Variants in HS3ST5 observed in about 807,000 individuals in gnomAD.
HS3ST5 encodes the protein heparan sulfate-glucosamine 3-sulfotransferase 5, also known as heparan sulfate glucosamine 3-O-sulfotransferase 5.
In HS3ST5, 10 loss-of-function variants were observed where a neutral mutation model predicts 25.4. The observed-to-expected ratio is 0.39, with a 90% CI of 0.24 to 0.67. The LOEUF (loss-of-function observed/expected upper bound fraction) is 0.67, where lower values mean the gene tolerates loss of function less well. HS3ST5 is among the 30% of genes least tolerant of loss of function. The probability of loss-of-function intolerance (pLI) is 0.44; values close to 1 mark genes in which losing one functional copy is unlikely to be tolerated. For missense variants in HS3ST5, 324 were observed against 420.7 expected, an observed-to-expected ratio of 0.77 and a Z score of 2.01; for synonymous variants, 170 against 162.4, an observed-to-expected ratio of 1.05 and a Z score of -0.36.
chr6:114,280,595 G>T (rs1562262452), intron 1 of HS3ST5, among the ~76,000 whole-genome samples: 1 of 151,992 alleles, frequency 6.6e-6, no homozygotes, highest in African/African-American at 2.4e-5. Flanking sequence ...ACTACATTTT[G>T]CTGCCTTACA....
rs767007396 is a variant in HS3ST5 at position 114,062,751 on chromosome 6, C to A, written c.95G>T (p.Gly32Val). ...GSLLYLVARV[G>V]SLDRLQPICP... ...TTTAAGCACCCACCTATCCAAGCTC[C>A]CAACTCTGGCGACTAGATACAGGAG... Residue 32 changes from glycine (G) to valine (V), a missense_variant, in exon 4 of 5, where the codon GGG becomes GTG. Gly to Val is a moderately radical substitution (Grantham distance 109, BLOSUM62 -3). Coordinates refer to ENST00000312719, the MANE Select transcript of HS3ST5 (RefSeq NM_153612.4). 40 of 1,613,282 alleles carry A rather than the reference C, an allele frequency of 2.5e-5. No homozygotes were observed. The highest frequency in any genetic ancestry group is 3.3e-5 in the Non-Finnish European group (39 of 1,179,392).
At chr6:114,296,699 G>T (rs1378829351) in intron 1 of HS3ST5, among the ~76,000 whole-genome samples, 1 of 152,152 alleles carries the variant, frequency 6.6e-6, no homozygotes, top group Admixed American at 6.5e-5. Context: ...ACAGCCAACA[G>T]CAGGAATTTG....
intron 2 of HS3ST5, among the ~76,000 whole-genome samples, chr6:114,187,158 C>T (rs182438009): frequency 6.6e-6 from 1 of 152,202 alleles, no homozygotes; most frequent in African/African-American, 2.4e-5. Context: ...AACATTCATT[C>T]TGCAGTCCAT....
chr6:114,248,614 T>A (rs1772497588), intron 1 of HS3ST5, among the ~76,000 whole-genome samples: 1 of 152,208 alleles, frequency 6.6e-6, no homozygotes, highest in African/African-American at 2.4e-5. Flanking sequence ...CGTTCATTCA[T>A]CAAATATTTA....
intron 2 of HS3ST5, among the ~76,000 whole-genome samples, chr6:114,208,703 T>C (rs751325285): frequency 1.3e-5 from 2 of 152,178 alleles, no homozygotes; most frequent in Non-Finnish European, 2.9e-5. Flanking sequence ...GAAAGAAACA[T>C]TCTTGTCTCC....
At chr6:114,171,577 G>A (rs1039104783) in intron 2 of HS3ST5, among the ~76,000 whole-genome samples, 1 of 152,070 alleles carries the variant, frequency 6.6e-6, no homozygotes, top group Non-Finnish European at 1.5e-5. Flanking sequence ...ATATGTGTTC[G>A]GCACTGAACT....
intron 3 of HS3ST5, among the ~76,000 whole-genome samples, chr6:114,092,218 C>T (rs1409886769): frequency 2.0e-5 from 3 of 152,318 alleles, no homozygotes; most frequent in Middle Eastern, 3.4e-3. Flanking sequence ...AGTGACATAA[C>T]CCATGCCTAC....
intron 3 of HS3ST5, among the ~76,000 whole-genome samples, chr6:114,075,837 C>T (rs1053387944): frequency 6.6e-6 from 1 of 152,196 alleles, no homozygotes; most frequent in African/African-American, 2.4e-5. Context: ...TTTTATTTCT[C>T]CCTCTCAGTT....
At chr6:114,197,220 T>C (rs988483916) in intron 2 of HS3ST5, among the ~76,000 whole-genome samples, 3 of 151,994 alleles carry the variant, frequency 2.0e-5, no homozygotes, top group African/African-American at 7.2e-5. Flanking sequence ...ACCAAGTTCT[T>C]GCACATATTT....
Position 114,267,428 on chromosome 6 carries a change from C to T in HS3ST5, c.-338-38650G>A, listed in dbSNP as rs569875727. The stretch of plus-strand genomic sequence containing the variant: ...GCACCTACCACTTCCCACCATTATG[C>T]AGGATGTTAAGAATAGGGTGTCCCA... On this transcript the variant is annotated intron_variant, in intron 1 of 4. Coordinates refer to ENST00000312719, the MANE Select transcript of HS3ST5 (RefSeq NM_153612.4). 7.2e-5 allele frequency among the ~76,000 whole-genome samples: 11 copies of T among 152,176 alleles called. No individual in the cohort carries two copies. The South Asian group carries it at 2.3e-3, about 32-fold the overall frequency.
At chr6:114,251,975 A>G (rs1214979578) in intron 1 of HS3ST5, 2 of 152,178 alleles carry the variant, frequency 1.3e-5, no homozygotes, top group Admixed American at 6.5e-5. Flanking sequence ...ACTGGTATCT[A>G]TTGTATCCCA....
At chr6:114,317,326 A>G (rs1369530845) in intron 1 of HS3ST5, among the ~76,000 whole-genome samples, 2 of 152,142 alleles carry the variant, frequency 1.3e-5, no homozygotes, top group African/African-American at 2.4e-5. Flanking sequence ...TTCCTCCCCA[A>G]ATGATCTCCG....
intron 2 of HS3ST5, among the ~76,000 whole-genome samples, chr6:114,204,815 T>A (rs1054561126): frequency 3.9e-5 from 6 of 152,174 alleles, no homozygotes; most frequent in African/African-American, 1.4e-4. Flanking sequence ...TTTGTACTTA[T>A]ATTTCTAAAA....
At chr6:114,080,679 G>A (rs951129480) in intron 3 of HS3ST5, among the ~76,000 whole-genome samples, 2 of 152,268 alleles carry the variant, frequency 1.3e-5, no homozygotes, top group East Asian at 3.9e-4. Flanking sequence ...CTTAATGCAG[G>A]AATAGAAAAC....
At chr6:114,278,888 T>C (rs1265465687) in intron 1 of HS3ST5, among the ~76,000 whole-genome samples, 2 of 151,990 alleles carry the variant, frequency 1.3e-5, no homozygotes, top group African/African-American at 2.4e-5. Context: ...TAACAATCAG[T>C]TTATCAGTAA....
rs1306952872 is a variant in HS3ST5, at chr6:114,058,059, T to C, written c.239A>G (p.Gln80Arg). Residue 80 changes from glutamine (Q) to arginine (R), a missense_variant, in exon 5 of 5, where the codon CAG becomes CGG. Gln to Arg is a conservative substitution (Grantham distance 43, BLOSUM62 1). Around this residue, in one of 2 missense-constraint regions of HS3ST5, gnomAD observed 121 missense variants for 117.3 expected, o/e 1.03. Transcript: ENST00000312719. ...EFRKGNASKE[Q>R]VRLHDLVQQL... ...CTGGACCAGGTCATGGAGGCGAACC[T>C]GCTCCTTGGAAGCGTTGCCCTTCCG... 1 of 1,614,082 alleles carries C rather than the reference T, an allele frequency of 6.2e-7. No homozygotes were observed. The highest frequency in any genetic ancestry group is 1.3e-5 in the African/African-American group (1 of 74,924).
chr6:114,333,270 G>A (rs1776477241), intron 1 of HS3ST5, among the ~76,000 whole-genome samples: 1 of 152,158 alleles, frequency 6.6e-6, no homozygotes, highest in South Asian at 2.1e-4. Context: ...CTATGTTCCT[G>A]CTATGATCTT....
At chr6:114,186,886 A>G (rs1010381144) in intron 2 of HS3ST5, among the ~76,000 whole-genome samples, 3 of 152,198 alleles carry the variant, frequency 2.0e-5, no homozygotes, top group Admixed American at 6.5e-5. Context: ...TCCATTTACT[A>G]TTCTGAACAT....
chr6:114,072,797 A>G (rs1188503179), intron 3 of HS3ST5, among the ~76,000 whole-genome samples: 1 of 152,250 alleles, frequency 6.6e-6, no homozygotes, highest in East Asian at 1.9e-4. Flanking sequence ...AAACTACTGT[A>G]AATTTCATAT....
Sources: allele counts gnomAD v4.1 joint callset (sites outside exome capture counted in the v4.1 genomes callset), GRCh38; gene constraint gnomAD v4.1.1; regional missense constraint gnomAD v4.1.1; transcripts MANE v1.5; gene names NCBI Gene and HGNC (gene_info 2026-07-23, HGNC 2026-07-21).